VWDE: variants seen among roughly 807,000 people sequenced by gnomAD.
VWDE encodes von Willebrand factor D and EGF domains, also known as von Willebrand factor D and EGF domain-containing protein.
A neutral mutation model predicts 178.4 loss-of-function variants in VWDE; 207 were observed. The observed-to-expected ratio is 1.16, with a 90% confidence interval of 1.04 to 1.30. The LOEUF (loss-of-function observed/expected upper bound fraction) is 1.30. Among genes scored for constraint, VWDE ranks in the 50% most tolerant of loss-of-function variants. VWDE has a pLI of 0.00. For missense variants in VWDE, 2,287 were observed against 1,901.3 expected (o/e 1.20, Z -3.77); for synonymous variants, 738 against 651.4 (o/e 1.13, Z -2.02).
intron 7 of VWDE, 134 bp from the exon 8 acceptor site, chr7:12,375,361 T>G: frequency 1.2e-6 from 1 of 819,236 alleles, no homozygotes; most frequent in Non-Finnish European, 1.9e-6. Context: ...AAACATATGG[T>G]TGCAAATTTT....
chr7:12,351,239 T>C (rs112892306), intron 19 of VWDE, among the ~76,000 whole-genome samples: 229 of 152,264 alleles, frequency 1.5e-3, no homozygotes, highest in African/African-American at 5.2e-3. Flanking sequence ...AGTGAACTTC[T>C]TATCACATTT....
At chr7:12,351,787 C>T in intron 18 of VWDE, 74 bp from the exon 19 acceptor site, 1 of 1,311,156 alleles carries the variant, frequency 7.6e-7, no homozygotes, top group Non-Finnish European at 1.0e-6. Flanking sequence ...TAAGAATATA[C>T]AATACAAACG....
rs187647982 is a variant in VWDE, at chr7:12,374,081, A to G, written c.1316+608T>C. Among the ~76,000 whole-genome samples, 332 of 152,200 alleles carry G rather than the reference A, an allele frequency of 2.2e-3. 1 individual carries two copies. The highest frequency in any genetic ancestry group is 7.7e-3 in the African/African-American group (318 of 41,546). On this transcript the variant is annotated intron_variant, in intron 9 of 28. Transcript: ENST00000275358. ...GATGCAACACTAAGACATTCTTATC[A>G]TTTTCCTTACAGACATCTCAGAACC...
chr7:12,392,532 T>G (rs1165947172), intron 2 of VWDE, among the ~76,000 whole-genome samples: 2 of 152,156 alleles, frequency 1.3e-5, no homozygotes, highest in African/African-American at 4.8e-5. Context: ...TTAGGGGAAC[T>G]TGCATTTGAA....
At chr7:12,398,261 T>G (rs1212569181) in intron 1 of VWDE, among the ~76,000 whole-genome samples, 1 of 152,130 alleles carries the variant, frequency 6.6e-6, no homozygotes, top group Non-Finnish European at 1.5e-5. Flanking sequence ...TGAATAAATA[T>G]AGAAATTGAC....
chr7:12,340,694 C>T (rs367710607), intron 23 of VWDE, among the ~76,000 whole-genome samples: 1 of 152,120 alleles, frequency 6.6e-6, no homozygotes, highest in Admixed American at 6.5e-5. Context: ...TCCAAGATGA[C>T]GGTGCTCCTG....
intron 24 of VWDE, among the ~76,000 whole-genome samples, chr7:12,337,511 G>A (rs1055963858): frequency 6.6e-6 from 1 of 152,118 alleles, no homozygotes; most frequent in Non-Finnish European, 1.5e-5. Context: ...AACAAATTGA[G>A]TCTTTCATAT....
At chr7:12,373,393 C>G in intron 9 of VWDE, 146 bp from the exon 10 acceptor site, 1 of 791,754 alleles carries the variant, frequency 1.3e-6, no homozygotes, top group Non-Finnish European at 2.0e-6. Context: ...CTCAATCTCT[C>G]CCACTACTCC....
At chr7:12,338,531 G>A (rs1288738399) in intron 24 of VWDE, among the ~76,000 whole-genome samples, 1 of 151,984 alleles carries the variant, frequency 6.6e-6, no homozygotes, top group African/African-American at 2.4e-5. Flanking sequence ...ACAAAAACTT[G>A]AAGTGTAGAA....
At chr7:12,401,853 C>A (rs1482556237) in intron 1 of VWDE, among the ~76,000 whole-genome samples, 1 of 151,998 alleles carries the variant, frequency 6.6e-6, no homozygotes, top group Non-Finnish European at 1.5e-5. Context: ...TGCTTTATAG[C>A]AACATTATTT....
rs780595025 is a variant in VWDE at position 12,403,640 on chromosome 7, C to T, written c.58+19G>A. 4.4e-5 allele frequency: 67 copies of T among 1,535,862 alleles called. 1 individual carries two copies. The Admixed American group carries it at 6.1e-4, about 14-fold the overall frequency. ...CGGCGCCACTGCGCGCCCACCCCCG[C>T]GCGCCCTACCTCGCTTACCTTCCCC... is the stretch of plus-strand genomic sequence containing the variant. On this transcript the variant is annotated intron_variant, in intron 1 of 28. Transcript: ENST00000275358.
In VWDE at chr7:12,398,175, T is replaced by G. The variant is rs145267928; in HGVS notation, c.59-4397A>C. On this transcript the variant is annotated intron_variant, in intron 1 of 28. Transcript: ENST00000275358. ...AATCAGCCATGGTGCCCATCAACAG[T>G]AGATTGGATAAAGAAAATGTAGTAT... Among the ~76,000 whole-genome samples, 848 of 152,228 alleles carry G rather than the reference T, an allele frequency of 5.6e-3. 6 individuals are homozygous for G. The highest frequency in any genetic ancestry group is 0.019 in the African/African-American group (795 of 41,552).
chr7:12,399,700 A>G (rs1256806963), intron 1 of VWDE, among the ~76,000 whole-genome samples: 1 of 152,164 alleles, frequency 6.6e-6, no homozygotes, highest in Non-Finnish European at 1.5e-5. Context: ...TTAAACAGAA[A>G]GCTGGGCATG....
At chr7:12,340,537 A>G (rs2128546176) in intron 23 of VWDE, 120 bp from the exon 24 acceptor site, 1 of 647,314 alleles carries the variant, frequency 1.5e-6, no homozygotes, top group East Asian at 2.8e-5. Flanking sequence ...AGTAAAGCCC[A>G]TAATGTATAA....
At chr7:12,347,021 C>T (rs1781642436) in intron 19 of VWDE, among the ~76,000 whole-genome samples, 1 of 152,084 alleles carries the variant, frequency 6.6e-6, no homozygotes, top group South Asian at 2.1e-4. Context: ...CATATGGGTT[C>T]AGACTAATAG....
intron 19 of VWDE, among the ~76,000 whole-genome samples, chr7:12,348,022 T>C (rs184548565): frequency 5.3e-5 from 8 of 152,242 alleles, no homozygotes; most frequent in Middle Eastern, 3.4e-3. Flanking sequence ...GCTAGCCATA[T>C]GTGGAAAGCT....
At chr7:12,331,497 A>G (rs1308242804) in intron 28 of VWDE, among the ~76,000 whole-genome samples, 2 of 152,138 alleles carry the variant, frequency 1.3e-5, no homozygotes, top group East Asian at 3.9e-4. Flanking sequence ...CCTCAGGAAA[A>G]AACCACTGAT....
intron 28 of VWDE, among the ~76,000 whole-genome samples, chr7:12,333,048 G>T (rs1019266138): frequency 2.6e-5 from 4 of 152,062 alleles, no homozygotes; most frequent in African/African-American, 9.7e-5. Context: ...ATAACATCTC[G>T]GCTGTTGATA....
chr7:12,389,435 A>G (rs1784271458), intron 2 of VWDE, 77 bp from the exon 3 acceptor site: 2 of 1,041,442 alleles, frequency 1.9e-6, no homozygotes, highest in African/African-American at 3.2e-5. Flanking sequence ...TTTGCATTTT[A>G]TTCTAATCAA....
Sources: allele counts gnomAD v4.1 joint callset (sites outside exome capture counted in the v4.1 genomes callset), GRCh38; gene constraint gnomAD v4.1.1; transcripts MANE v1.5; gene names NCBI Gene and HGNC (gene_info 2026-07-23, HGNC 2026-07-21).